The following SH3RF1 variants were observed in gnomAD, a reference collection of about 807,000 sequenced individuals.
The protein encoded by SH3RF1 is SH3 domain containing ring finger 1, also known as E3 ubiquitin-protein ligase SH3RF1.
A neutral mutation model predicts 74.0 loss-of-function variants in SH3RF1; 32 were observed. The ratio of observed to expected loss-of-function variants is 0.43; its 90% CI spans 0.33 to 0.58. SH3RF1 has a LOEUF of 0.58. Among genes scored for constraint, SH3RF1 ranks in the 20% least tolerant of loss-of-function variants. The pLI, the probability that SH3RF1 is intolerant of heterozygous loss-of-function variation, is 0.05. For synonymous variants in SH3RF1, 396 were observed against 439.6 expected, an observed-to-expected ratio of 0.90 and a Z score of 1.24; for missense variants, 954 against 1,130.9, an observed-to-expected ratio of 0.84 and a Z score of 2.24.
In SH3RF1 at chr4:169,094,785, T is replaced by TTA. The variant is rs372580230; in HGVS notation, c.*1733_*1734insTA. ...GAACATAATATACATTGTTTTTTTT[T>TTA]AAAAAAAAGGTTAATTTAGGAATGA... is the stretch of plus-strand genomic sequence containing the variant. On this transcript the variant is annotated 3_prime_UTR_variant, in exon 12 of 12. Coordinates refer to ENST00000284637, the MANE Select transcript of SH3RF1 (RefSeq NM_020870.4). 2 of 151,050 alleles carry TTA rather than the reference T, an allele frequency of 1.3e-5. No individual in the cohort carries two copies. The highest frequency in any genetic ancestry group is 3.0e-5 in the Non-Finnish European group (2 of 67,754). 9.4% of individuals were successfully genotyped at this position (151,050 alleles called of 1,614,324 possible).
At chr4:169,249,123 G>C (rs1731057373) in intron 2 of SH3RF1, among the ~76,000 whole-genome samples, 1 of 152,208 alleles carries the variant, frequency 6.6e-6, no homozygotes, top group South Asian at 2.1e-4. Context: ...AGCTACTCAG[G>C]AGGCTCAGGC....
intron 2 of SH3RF1, among the ~76,000 whole-genome samples, chr4:169,197,268 C>T (rs1216089736): frequency 6.6e-6 from 1 of 152,084 alleles, no homozygotes; most frequent in Non-Finnish European, 1.5e-5. Flanking sequence ...ACCCAAAGTG[C>T]TAGGATTATA....
intron 10 of SH3RF1, among the ~76,000 whole-genome samples, chr4:169,112,578 C>T (rs1733259814): frequency 6.6e-6 from 1 of 152,172 alleles, no homozygotes; most frequent in African/African-American, 2.4e-5. Context: ...CAAATCATCC[C>T]TGCAGATGAA....
chr4:169,127,554 C>CTT (rs1733548417), intron 6 of SH3RF1, among the ~76,000 whole-genome samples: 1 of 152,240 alleles, frequency 6.6e-6, no homozygotes, highest in African/African-American at 2.4e-5. Context: ...GAGATCTAGA[C>CTT]ATCTCCTGGG....
rs186285060 is a variant in SH3RF1 at position 169,207,886 on chromosome 4, G to A, written c.394-51207C>T. On this transcript the variant is annotated intron_variant, in intron 2 of 11. Coordinates refer to ENST00000284637, the MANE Select transcript of SH3RF1 (RefSeq NM_020870.4). ...TCACAGAAGCAAACCTCTCCCCACA[G>A]AGCTGGACTCAGATCACAGGCCTAA... Among the ~76,000 whole-genome samples, 3 of 152,254 alleles carry A rather than the reference G, an allele frequency of 2.0e-5. No homozygotes were observed. In the East Asian group the frequency reaches 5.8e-4, roughly 29 times the overall value.
At chr4:169,262,666 C>CA (rs1241823546) in intron 2 of SH3RF1, among the ~76,000 whole-genome samples, 1 of 150,438 alleles carries the variant, frequency 6.6e-6, no homozygotes, top group Non-Finnish European at 1.5e-5. Context: ...GACTCTGTCT[C>CA]AAAAAAATAA....
chr4:169,107,953 TTTTG>T (rs138675771), intron 10 of SH3RF1, among the ~76,000 whole-genome samples: 9,312 of 152,174 alleles, frequency 0.061, 716 homozygotes, highest in African/African-American at 0.18. Flanking sequence ...ATAAGCGTGT[TTTTG>T]TTTGTTTGTT....
rs183865316 is a variant in SH3RF1, at chr4:169,158,616, G to A, written c.394-1937C>T. ...CAGTAGTGTGGAAAATGGACGTGAA[G>A]TGGGCAGGCAGGCAGAGAGCTATGT... On this transcript the variant is annotated intron_variant, in intron 2 of 11. Transcript: ENST00000284637. Among the ~76,000 whole-genome samples the A allele has an allele frequency of 2.4e-3, 364 of 152,328 alleles. 4 individuals carry two copies. The highest frequency in any genetic ancestry group is 8.5e-3 in the African/African-American group (352 of 41,582).
chr4:169,202,486 G>A (rs1347382651), intron 2 of SH3RF1, among the ~76,000 whole-genome samples: 1 of 152,176 alleles, frequency 6.6e-6, no homozygotes, highest in Non-Finnish European at 1.5e-5. Flanking sequence ...TCTGAAGGAG[G>A]GGATGTGGTT....
At position 169,107,328 on chromosome 4, in the gene SH3RF1, G is replaced by A. The variant is rs117169530; in HGVS notation, c.2140-123C>T. 4.1e-4 allele frequency: 317 copies of A among 768,402 alleles called. 3 individuals are homozygous for A. In the East Asian group the frequency reaches 8.2e-3, roughly 20 times the overall value. The allele number at this position is 768,402 out of a possible 1,614,324, so 47.6% of individuals were successfully genotyped here. A position where few individuals can be genotyped will look rare whatever the true frequency, so the allele number is the denominator to read the frequency against. On this transcript the variant is annotated intron_variant, in intron 10 of 11. Coordinates refer to ENST00000284637, the MANE Select transcript of SH3RF1 (RefSeq NM_020870.4). ...TAATTTTAATTTTTGTGGGTCCATA[G>A]TAGGTATATGGGGCCTTATGGTTTC...
intron 10 of SH3RF1, among the ~76,000 whole-genome samples, chr4:169,115,386 G>A (rs1286033275): frequency 6.6e-6 from 1 of 152,184 alleles, no homozygotes; most frequent in Non-Finnish European, 1.5e-5. Context: ...ATTACTGCCT[G>A]AGCTCCGCCT....
At chr4:169,130,179 T>C in intron 5 of SH3RF1, 23 bp from the exon 6 acceptor site, 1 of 1,486,380 alleles carries the variant, frequency 6.7e-7, no homozygotes. Context: ...GAAAAGTTAT[T>C]AAAAAGAAGA....
intron 2 of SH3RF1, among the ~76,000 whole-genome samples, chr4:169,222,038 T>C (rs562691271): frequency 1.2e-4 from 19 of 152,352 alleles, no homozygotes; most frequent in African/African-American, 4.3e-4. Context: ...AGTGTAGGTG[T>C]CTACTATGTA....
At position 169,103,721 on chromosome 4, in the gene SH3RF1, G is replaced by C. The variant is rs137893388; in HGVS notation, c.2498+3126C>G. Among the ~76,000 whole-genome samples, 1,364 of 152,158 alleles carry C rather than the reference G, an allele frequency of 9.0e-3. 25 individuals are homozygous for C. The highest frequency in any genetic ancestry group is 0.031 in the African/African-American group (1,302 of 41,494). On this transcript the variant is annotated intron_variant, in intron 11 of 11. Coordinates refer to ENST00000284637, the MANE Select transcript of SH3RF1 (RefSeq NM_020870.4). Reference sequence around the variant, plus strand: ...CTGTGAGACAGATCTAAGAATCCAAGGTAAATAAATACTATCACCATCACT... The same window carrying C: ...CTGTGAGACAGATCTAAGAATCCAACGTAAATAAATACTATCACCATCACT...
intron 10 of SH3RF1, among the ~76,000 whole-genome samples, chr4:169,109,510 AG>A (rs1383237518): frequency 6.6e-6 from 1 of 152,188 alleles, no homozygotes; most frequent in Non-Finnish European, 1.5e-5. Context: ...ACAAGGGGTA[AG>A]GGGTGGGAGG....
intron 4 of SH3RF1, among the ~76,000 whole-genome samples, chr4:169,152,129 G>A (rs56025518): frequency 0.078 from 11,938 of 152,138 alleles, 721 homozygotes; most frequent in East Asian, 0.18. Context: ...TTCAAGAACT[G>A]CTTTTAACCT....
intron 4 of SH3RF1, among the ~76,000 whole-genome samples, chr4:169,146,124 CTA>C (rs922731553): frequency 3.9e-5 from 5 of 127,294 alleles, no homozygotes; most frequent in Admixed American, 2.4e-4. Flanking sequence ...TCTATATATT[CTA>C]TATATTATAT....
chr4:169,174,842 G>A (rs912209784), intron 2 of SH3RF1, among the ~76,000 whole-genome samples: 29 of 138,220 alleles, frequency 2.1e-4, no homozygotes, highest in Admixed American at 9.3e-4. Context: ...CATATGAAGC[G>A]CTAAGAACTG....
chr4:169,116,617 G>A lies in SH3RF1; in HGVS notation c.1791C>T (p.Asn597=), dbSNP rs757623047. 3.2e-6 allele frequency: 5 copies of A among 1,540,950 alleles called. No individual in the cohort carries two copies. In the Admixed American group the frequency reaches 9.5e-5, roughly 29 times the overall value. Residue 597 remains asparagine (N), a synonymous_variant, in exon 10 of 12, where the codon AAC becomes AAT. Coordinates refer to ENST00000284637, the MANE Select transcript of SH3RF1 (RefSeq NM_020870.4). ...TCACTGCTGCCGTGGGGCGTTCCTGGTTGTGCGCTGCAACTAGTAGATGGG... is the reference window on the plus strand; with the variant it reads ...TCACTGCTGCCGTGGGGCGTTCCTGATTGTGCGCTGCAACTAGTAGATGGG... ...RNAVRTVAAH[N]QERPTAAVTP... is the part of the protein sequence containing the mutation.
Sources: gnomAD v4.1 joint callset for allele counts (sites outside exome capture counted in the v4.1 genomes callset) on GRCh38, gnomAD v4.1.1 for gene constraint, MANE v1.5 for transcripts, NCBI Gene and HGNC (gene_info 2026-07-23, HGNC 2026-07-21) for gene names.